The following MYO3A variants were observed in gnomAD, a reference collection of about 807,000 sequenced individuals.
The protein encoded by MYO3A is myosin IIIA.
MYO3A carries 180 observed loss-of-function variants against 192.7 expected under a neutral mutation model. The observed-to-expected ratio is 0.93, with a 90% confidence interval of 0.83 to 1.06. MYO3A has a LOEUF of 1.06. Among genes scored for constraint, MYO3A ranks in the 50% least tolerant of loss-of-function variants. The probability of loss-of-function intolerance (pLI) is 0.00; values close to 1 mark genes in which losing one functional copy is unlikely to be tolerated. For synonymous variants in MYO3A, 628 were observed against 645.3 expected (o/e 0.97, Z 0.41); for missense variants, 1,896 against 1,905.0 (o/e 1.00, Z 0.09).
intron 25 of MYO3A, 122 bp downstream of exon 25, chr10:26,154,945 G>A: frequency 1.2e-6 from 1 of 846,406 alleles, no homozygotes; most frequent in Non-Finnish European, 1.9e-6. Flanking sequence ...ACTATTGTTA[G>A]ATACAGGATA....
chr10:26,114,339 T>C (rs1838376867), intron 17 of MYO3A, among the ~76,000 whole-genome samples: 1 of 152,222 alleles, frequency 6.6e-6, no homozygotes, highest in Non-Finnish European at 1.5e-5. Flanking sequence ...TTAGCACATG[T>C]TGCCAAAACA....
At chr10:25,946,860 A>G (rs1229400729) in intron 2 of MYO3A, among the ~76,000 whole-genome samples, 1 of 132,888 alleles carries the variant, frequency 7.5e-6, no homozygotes, top group South Asian at 2.6e-4. Context: ...CCTGGGTGAC[A>G]GAGTGAGACT....
At chr10:26,003,405 TA>T (rs1484815902) in intron 6 of MYO3A, among the ~76,000 whole-genome samples, 1 of 152,202 alleles carries the variant, frequency 6.6e-6, no homozygotes, top group Non-Finnish European at 1.5e-5. Flanking sequence ...AGTATTACTT[TA>T]AATATGAAGC....
chr10:26,161,975 A>G (rs937853082), intron 26 of MYO3A, among the ~76,000 whole-genome samples: 5 of 152,180 alleles, frequency 3.3e-5, no homozygotes, highest in Non-Finnish European at 7.3e-5. Flanking sequence ...TCAAATCTTA[A>G]TTGAAAGATT....
At chr10:26,116,272 A>C (rs1185872609) in intron 17 of MYO3A, among the ~76,000 whole-genome samples, 1 of 152,166 alleles carries the variant, frequency 6.6e-6, no homozygotes, top group Non-Finnish European at 1.5e-5. Flanking sequence ...CTCCGCTCCG[A>C]GTTTCTAGTG....
chr10:26,119,958 C>G (rs1455828831), intron 17 of MYO3A, among the ~76,000 whole-genome samples: 1 of 151,038 alleles, frequency 6.6e-6, no homozygotes, highest in Non-Finnish European at 1.5e-5. Flanking sequence ...GAGTTCGAGA[C>G]CAGCCTGGGC....
At chr10:25,988,085 A>G (rs973323769) in intron 4 of MYO3A, among the ~76,000 whole-genome samples, 1 of 152,202 alleles carries the variant, frequency 6.6e-6, no homozygotes, top group African/African-American at 2.4e-5. Context: ...ATTATTCTAC[A>G]TTATTCTAAG....
chr10:26,183,750 A>T (rs1174704447), intron 31 of MYO3A, among the ~76,000 whole-genome samples: 2 of 152,060 alleles, frequency 1.3e-5, no homozygotes, highest in Non-Finnish European at 2.9e-5. Context: ...TGGGGGTGGC[A>T]GTTGCCTCTT....
intron 20 of MYO3A, among the ~76,000 whole-genome samples, chr10:26,131,623 T>C (rs1378646965): frequency 6.6e-6 from 1 of 152,180 alleles, no homozygotes; most frequent in Non-Finnish European, 1.5e-5. Context: ...TCTAGATATT[T>C]AGAATGTTAA....
At chr10:26,205,285 C>G (rs1340402897) in intron 34 of MYO3A, among the ~76,000 whole-genome samples, 1 of 152,118 alleles carries the variant, frequency 6.6e-6, no homozygotes, top group Non-Finnish European at 1.5e-5. Context: ...CTACCCTCAG[C>G]AGTTTTCAAG....
At chr10:26,109,972 A>C (rs971023757) in intron 17 of MYO3A, among the ~76,000 whole-genome samples, 1 of 152,192 alleles carries the variant, frequency 6.6e-6, no homozygotes, top group Non-Finnish European at 1.5e-5. Context: ...GAGTTCCCCC[A>C]AAGAGTTCTG....
At chr10:26,046,107 CA>C (rs1405300586) in intron 10 of MYO3A, among the ~76,000 whole-genome samples, 5 of 152,142 alleles carry the variant, frequency 3.3e-5, no homozygotes, top group African/African-American at 1.2e-4. Flanking sequence ...GCAACTTAAT[CA>C]AACCCAAGGA....
At chr10:26,197,321 G>A (rs1367560114) in intron 32 of MYO3A, among the ~76,000 whole-genome samples, 4 of 152,162 alleles carry the variant, frequency 2.6e-5, no homozygotes, top group African/African-American at 9.7e-5. Flanking sequence ...TTTTTGAGGG[G>A]CCTGAAGGTT....
At chr10:26,058,452 T>C (rs1051647721) in intron 10 of MYO3A, among the ~76,000 whole-genome samples, 4 of 152,240 alleles carry the variant, frequency 2.6e-5, no homozygotes, top group African/African-American at 7.2e-5. Context: ...AATATCGATG[T>C]ACAGGTTTTT....
At chr10:26,151,562 T>A (rs1031364506) in intron 23 of MYO3A, among the ~76,000 whole-genome samples, 5 of 152,214 alleles carry the variant, frequency 3.3e-5, no homozygotes, top group Non-Finnish European at 7.3e-5. Context: ...TTCTTTATAT[T>A]CAAAGTAGGG....
chr10:26,141,909 G>T (rs1195635616), intron 20 of MYO3A, among the ~76,000 whole-genome samples: 1 of 151,814 alleles, frequency 6.6e-6, no homozygotes, highest in Non-Finnish European at 1.5e-5. Context: ...GCTTCATAAG[G>T]CCCCTACCAT....
chr10:25,981,770 TG>T (rs747703941), intron 4 of MYO3A, among the ~76,000 whole-genome samples: 43 of 152,300 alleles, frequency 2.8e-4, no homozygotes, highest in Non-Finnish European at 4.4e-4. Context: ...ATTAAAATGG[TG>T]GATAGAAGGC....
intron 2 of MYO3A, among the ~76,000 whole-genome samples, chr10:25,939,096 TTTTC>T (rs1259050459): frequency 6.6e-6 from 1 of 152,112 alleles, no homozygotes; most frequent in Non-Finnish European, 1.5e-5. Context: ...AAAATAGCTT[TTTTC>T]TTTCTATTTT....
Position 26,193,323 on chromosome 10 carries a change from A to C in MYO3A, c.4545+12A>C. Reference sequence around the variant, plus strand: ...ATTATCTACTTCATGTAAGTGGCTCACTCTTACTATCAGATGGGAGCCATC... The same window carrying C: ...ATTATCTACTTCATGTAAGTGGCTCCCTCTTACTATCAGATGGGAGCCATC... On this transcript the variant is annotated intron_variant, in intron 32 of 34. Transcript: ENST00000642920. 9 of 1,579,968 alleles carry C rather than the reference A, an allele frequency of 5.7e-6. No individual in the cohort carries two copies. Among genetic ancestry groups the C allele is most frequent in the Middle Eastern group, 1.7e-4 (1 of 6,018 alleles).
Sources: gnomAD v4.1 joint callset for allele counts (sites outside exome capture counted in the v4.1 genomes callset) on GRCh38, gnomAD v4.1.1 for gene constraint, MANE v1.5 for transcripts, NCBI Gene and HGNC (gene_info 2026-07-23, HGNC 2026-07-21) for gene names.